The following GPRASP1 variants were observed in gnomAD, a reference collection of about 807,000 sequenced individuals.
The protein encoded by GPRASP1 is G protein-coupled receptor-associated sorting protein 1.
A neutral mutation model predicts 68.4 loss-of-function variants in GPRASP1; 28 were observed. That is an observed-to-expected ratio of 0.41 (90% CI 0.30 to 0.56). GPRASP1 has a LOEUF of 0.56. Ranked by LOEUF, GPRASP1 falls within the 20% of genes least tolerant of loss-of-function variation. GPRASP1 has a pLI of 0.29. For missense variants in GPRASP1, 913 were observed against 1,031.5 expected, an observed-to-expected ratio of 0.89 and a Z score of 1.57; for synonymous variants, 304 against 358.2, an observed-to-expected ratio of 0.85 and a Z score of 1.71.
Position 102,654,438 on chromosome X carries a change from G to C in GPRASP1, c.525G>C (p.Trp175Cys). 1.7e-6 allele frequency: 2 copies of C among 1,211,702 alleles called. No individual in the cohort carries two copies. The highest frequency in any genetic ancestry group is 3.5e-5 in the African/African-American group (2 of 57,821). ...RSKEETNMGS[W>C]CCPRPTSKQE... ...AGGAGGAGACCAATATGGGGTCCTG[G>C]TGCTGTCCTAGGCCTACATCCAAAC... The change falls in exon 6 of 6, where the codon TGG becomes TGC. Residue 175 changes from tryptophan (W) to cysteine (C), a missense_variant. Physicochemically the swap from Trp to Cys is radical, Grantham distance 215. Coordinates refer to ENST00000537097, the MANE Select transcript of GPRASP1 (RefSeq NM_001184727.2).
Position 102,657,328 on chromosome X carries a change from A to G in GPRASP1, c.3415A>G (p.Ser1139Gly), listed in dbSNP as rs773428748. 8.3e-7 allele frequency: 1 copy of G among 1,211,413 alleles called. No homozygotes were observed. The highest frequency in any genetic ancestry group is 3.0e-5 in the East Asian group (1 of 33,843). Residue 1139 changes from serine to glycine, a missense_variant, in exon 6 of 6, where the codon AGT becomes GGT. Ser to Gly is a moderately conservative substitution (Grantham distance 56). Coordinates refer to ENST00000537097, the MANE Select transcript of GPRASP1 (RefSeq NM_001184727.2). ...GGCCAAGGAGAGTACAGAGCCTGAG[A>G]GTTCATCCTGTAACTGCATACAATG... ...LRAKESTEPE[S>G]SSCNCIQCEL... is the part of the protein sequence containing the mutation.
chrX:102,654,162 A>C lies in GPRASP1; in HGVS notation c.249A>C (p.Ile83=), dbSNP rs1209074269. ...GARPKSKAKA[I]PVSRFKEEAQ... is the part of the protein sequence containing the mutation. Reference sequence around the variant, plus strand: ...GCCCTAAGAGTAAGGCCAAGGCAATACCTGTTTCACGATTTAAGGAAGAAG... The same window carrying C: ...GCCCTAAGAGTAAGGCCAAGGCAATCCCTGTTTCACGATTTAAGGAAGAAG... The change falls in exon 6 of 6, where the codon ATA becomes ATC. Residue 83 remains isoleucine (I), a synonymous_variant. Coordinates refer to ENST00000537097, the MANE Select transcript of GPRASP1 (RefSeq NM_001184727.2). 2 of 1,212,077 alleles carry C rather than the reference A, an allele frequency of 1.7e-6. No individual in the cohort carries two copies.
rs376709478 is a variant in GPRASP1 at position 102,654,692 on chromosome X, C to T, written c.779C>T (p.Thr260Ile). ...GGTTCTGAGGATGAGTCTGTTAAGA[C>T]ACCCTGGTTCTGGGCCAGAGATAAA... Reference protein sequence around the residue: ...SSGSEDESVKTPWFWARDKTN... With the variant: ...SSGSEDESVKIPWFWARDKTN... Residue 260 changes from threonine (T) to isoleucine (I), a missense_variant, in exon 6 of 6, where the codon ACA becomes ATA. Physicochemically the swap from Thr to Ile is moderately conservative, Grantham distance 89. Transcript: ENST00000537097. The T allele has an allele frequency of 1.7e-6, 2 of 1,209,779 alleles. No homozygotes were observed. The highest frequency in any genetic ancestry group is 2.2e-6 in the Non-Finnish European group (2 of 894,858).
At position 102,658,007 on chromosome X, in the gene GPRASP1, T is replaced by A. The variant is rs767893708; in HGVS notation, c.4094T>A (p.Leu1365His). The A allele has an allele frequency of 8.4e-7, 1 of 1,196,945 alleles. No homozygotes were observed. Among genetic ancestry groups the A allele is most frequent in the Admixed American group, 2.2e-5 (1 of 45,580 alleles). Residue 1365 changes from leucine to histidine, a missense_variant, in exon 6 of 6, where the codon CTT becomes CAT. Physicochemically the swap from Leu to His is moderately conservative, Grantham distance 99. Transcript: ENST00000537097. ...FSDDDFNIEP[L>H]ISAFHKVEKF... Reference sequence around the variant, plus strand: ...GATGATGATTTCAATATTGAGCCGCTTATTTCTGCATTCCACAAAGTTGAG... The same window carrying A: ...GATGATGATTTCAATATTGAGCCGCATATTTCTGCATTCCACAAAGTTGAG...
rs1454287389 is a variant in GPRASP1 at position 102,657,714 on chromosome X, TACTG to T, written c.3805_3808del (p.Asp1269IlefsTer16). On this transcript the variant is annotated frameshift_variant, in exon 6 of 6. Transcript: ENST00000537097. LOFTEE classifies it high-confidence loss of function. ...GGATGATTAGACATCTCACTACTAC[TACTG>T]ACTATCACACACTGGTTGCCAATTA... 8.3e-7 allele frequency: 1 copy of T among 1,207,921 alleles called. No individual in the cohort carries two copies. Among genetic ancestry groups the T allele is most frequent in the Non-Finnish European group, 1.1e-6 (1 of 891,792 alleles).
Position 102,655,295 on chromosome X carries a change from G to T in GPRASP1, c.1382G>T (p.Gly461Val). 2.5e-6 allele frequency: 3 copies of T among 1,211,990 alleles called. No homozygotes were observed. Among genetic ancestry groups the T allele is most frequent in the Non-Finnish European group, 3.4e-6 (3 of 895,481 alleles). Residue 461 changes from glycine (G) to valine (V), a missense_variant, in exon 6 of 6, where the codon GGG (glycine) becomes GTG (valine). Physicochemically the swap from Gly to Val is moderately radical, Grantham distance 109 (BLOSUM62 -3). Transcript: ENST00000537097. ...ASSKSRPRTDGERIGDSLFGA... is the reference protein window; with the variant it reads ...ASSKSRPRTDVERIGDSLFGA... ...AGTAAATCCAGACCAAGGACTGATG[G>T]GGAGCGTATTGGTGATTCCTTATTT...
rs1359210386 is a variant in GPRASP1 at position 102,653,855 on chromosome X, T to C, written c.-59T>C. On this transcript the variant is annotated 5_prime_UTR_variant, in exon 6 of 6. Coordinates refer to ENST00000537097, the MANE Select transcript of GPRASP1 (RefSeq NM_001184727.2). ...AAGAAACAAACCTGTGACAGATCTG[T>C]GGTTGAGGTTTAGACTGGGGGAGGA... 2 of 893,401 alleles carry C rather than the reference T, an allele frequency of 2.2e-6. No individual in the cohort carries two copies. Among genetic ancestry groups the C allele is most frequent in the Admixed American group, 2.7e-5 (1 of 36,817 alleles). The allele number at this position is 893,401 out of a possible 1,213,427, so 73.6% of individuals were successfully genotyped here.
chrX:102,656,948 C>T lies in GPRASP1; in HGVS notation c.3035C>T (p.Ala1012Val). The change falls in exon 6 of 6, where the codon GCC becomes GTC. Residue 1012 changes from alanine to valine, a missense_variant. By Grantham distance (64) the Ala-to-Val change is moderately conservative. Transcript: ENST00000537097. Reference sequence around the variant, plus strand: ...TCCTGGTTCTGGGCAGGAGATGAGGCCCATTTTGAATCAAATCCTAGCCCC... The same window carrying T: ...TCCTGGTTCTGGGCAGGAGATGAGGTCCATTTTGAATCAAATCCTAGCCCC... Reference protein sequence around the residue: ...VGSWFWAGDEAHFESNPSPVF... With the variant: ...VGSWFWAGDEVHFESNPSPVF... 26 of 1,211,005 alleles carry T rather than the reference C, an allele frequency of 2.1e-5. No individual in the cohort carries two copies. Among genetic ancestry groups the T allele is most frequent in the Non-Finnish European group, 2.9e-5 (26 of 895,133 alleles).
Position 102,652,442 on chromosome X carries a change from G to C in GPRASP1, c.-481+177G>C, listed in dbSNP as rs1303692761. 5.3e-5 allele frequency among the ~76,000 whole-genome samples: 6 copies of C among 112,209 alleles called. 1 individual carries two copies. The Admixed American group carries it at 5.6e-4, about 10-fold the overall frequency. On this transcript the variant is annotated intron_variant, in intron 3 of 5. Transcript: ENST00000537097. ...TGCCTCCCCCACCGTCCTAAACTGGGGGCTTGAAAGGGTGAGCTTTGGAGG... is the reference window on the plus strand; with the variant it reads ...TGCCTCCCCCACCGTCCTAAACTGGCGGCTTGAAAGGGTGAGCTTTGGAGG...
chrX:102,654,511 A>T lies in GPRASP1; in HGVS notation c.598A>T (p.Ser200Cys). ...SDFKWVDKSV[S>C]SLFWSGDEVT... ...TTTCAAATGGGTAGACAAATCTGTG[A>T]GTTCCTTGTTCTGGAGTGGAGATGA... is the stretch of plus-strand genomic sequence containing the variant. Residue 200 changes from serine (S) to cysteine (C), a missense_variant, in exon 6 of 6, where the codon AGT becomes TGT. By Grantham distance (112) the Ser-to-Cys change is moderately radical. Transcript: ENST00000537097. The T allele has an allele frequency of 8.3e-7, 1 of 1,210,684 alleles. No homozygotes were observed. Among genetic ancestry groups the T allele is most frequent in the Non-Finnish European group, 1.1e-6 (1 of 894,418 alleles).
Position 102,657,082 on chromosome X carries a change from T to C in GPRASP1, c.3169T>C (p.Trp1057Arg). Residue 1057 changes from tryptophan to arginine, a missense_variant, in exon 6 of 6, where the codon TGG (tryptophan) becomes CGG (arginine). Coordinates refer to ENST00000537097, the MANE Select transcript of GPRASP1 (RefSeq NM_001184727.2). Reference protein sequence around the residue: ...EVTVQFKPGPWGRVGFPSISP... With the variant: ...EVTVQFKPGPRGRVGFPSISP... ...CACTGTTCAGTTCAAGCCTGGTCCATGGGGTAGGGTCGGCTTCCCATCTAT... is the reference window on the plus strand; with the variant it reads ...CACTGTTCAGTTCAAGCCTGGTCCACGGGGTAGGGTCGGCTTCCCATCTAT... 1 of 1,209,219 alleles carries C rather than the reference T, an allele frequency of 8.3e-7. No homozygotes were observed. Among genetic ancestry groups the C allele is most frequent in the Middle Eastern group, 2.3e-4 (1 of 4,352 alleles).
rs975753343 is a variant in GPRASP1 at position 102,656,426 on chromosome X, A to T, written c.2513A>T (p.Glu838Val). The T allele has an allele frequency of 2.5e-6, 3 of 1,208,820 alleles. No individual in the cohort carries two copies. In the African/African-American group the frequency reaches 5.3e-5, roughly 21 times the overall value. The change falls in exon 6 of 6, where the codon GAG (glutamate) becomes GTG (valine). Residue 838 changes from glutamate (E) to valine (V), a missense_variant. Coordinates refer to ENST00000537097, the MANE Select transcript of GPRASP1 (RefSeq NM_001184727.2). ...SCSKSSPKAE[E>V]EEVIIGSWFW... The stretch of plus-strand genomic sequence containing the variant: ...AGCAAATCCAGTCCTAAAGCTGAAG[A>T]GGAAGAAGTCATTATTGGGTCCTGG...
chrX:102,654,344 C>T lies in GPRASP1; in HGVS notation c.431C>T (p.Thr144Ile). 2 of 1,210,943 alleles carry T rather than the reference C, an allele frequency of 1.7e-6. No individual in the cohort carries two copies. The highest frequency in any genetic ancestry group is 2.2e-6 in the Non-Finnish European group (2 of 894,642). Residue 144 changes from threonine (T) to isoleucine (I), a missense_variant, in exon 6 of 6, where the codon ACA (threonine) becomes ATA (isoleucine). Coordinates refer to ENST00000537097, the MANE Select transcript of GPRASP1 (RefSeq NM_001184727.2). Reference sequence around the variant, plus strand: ...TCTGAGGATAGAGAACTGGTTAATACAGACACTGAGAGCTTTCCTAGAAGG... The same window carrying T: ...TCTGAGGATAGAGAACTGGTTAATATAGACACTGAGAGCTTTCCTAGAAGG... ...YLSEDRELVN[T>I]DTESFPRRKA...
chrX:102,653,778 C>CT lies in GPRASP1; in HGVS notation c.-135dup, dbSNP rs2081379055. On this transcript the variant is annotated 5_prime_UTR_variant, in exon 6 of 6. Coordinates refer to ENST00000537097, the MANE Select transcript of GPRASP1 (RefSeq NM_001184727.2). The stretch of plus-strand genomic sequence containing the variant: ...GTGACTACTGGACTGGATATTGACT[C>CT]TAACTCTTGTTTCCAAGCTTATATC... 7.4e-6 allele frequency: 4 copies of CT among 538,247 alleles called. No homozygotes were observed. Among genetic ancestry groups the CT allele is most frequent in the Non-Finnish European group, 1.3e-5 (4 of 315,009 alleles). The allele number at this position is 538,247 out of a possible 1,213,427, so 44.4% of individuals were successfully genotyped here.
chrX:102,657,657 C>A lies in GPRASP1; in HGVS notation c.3744C>A (p.Ser1248Arg). The change falls in exon 6 of 6, where the codon AGC becomes AGA. Residue 1248 changes from serine to arginine, a missense_variant. Transcript: ENST00000537097. ...CKVCEETLAY[S>R]VDSPEQLSGI... ...TGTGTGAGGAAACCCTTGCTTATAG[C>A]GTGGATTCCCCGGAACAGCTGTCTG... 1.7e-6 allele frequency: 2 copies of A among 1,210,594 alleles called. No individual in the cohort carries two copies. Among genetic ancestry groups the A allele is most frequent in the South Asian group, 3.5e-5 (2 of 56,979 alleles).
chrX:102,656,776 G>A lies in GPRASP1; in HGVS notation c.2863G>A (p.Ala955Thr). The A allele has an allele frequency of 8.3e-7, 1 of 1,210,568 alleles. No individual in the cohort carries two copies. ...AGCCATTAAGGAAACTGGAACTGTG[G>A]CCACCTGTGAGTCCAAGCCAGAAAA... ...DKAIKETGTV[A>T]TCESKPENEE... Residue 955 changes from alanine to threonine, a missense_variant, in exon 6 of 6, where the codon GCC becomes ACC. Physicochemically the swap from Ala to Thr is moderately conservative, Grantham distance 58. Transcript: ENST00000537097.
chrX:102,656,519 A>T lies in GPRASP1; in HGVS notation c.2606A>T (p.Glu869Val). 1 of 1,210,689 alleles carries T rather than the reference A, an allele frequency of 8.3e-7. No individual in the cohort carries two copies. ...GVGFESKPGT[E>V]EEEITVGSWF... is the part of the protein sequence containing the mutation. The stretch of plus-strand genomic sequence containing the variant: ...GGCTTTGAGTCAAAGCCTGGGACTG[A>T]GGAGGAAGAAATCACTGTTGGGTCC... The change falls in exon 6 of 6, where the codon GAG (glutamate) becomes GTG (valine). Residue 869 changes from glutamate to valine, a missense_variant. By Grantham distance (121) the Glu-to-Val change is moderately radical. Transcript: ENST00000537097.
rs2081384546 is a variant in GPRASP1, at chrX:102,654,309, A to G, written c.396A>G (p.Thr132=). Residue 132 remains threonine, a synonymous_variant, in exon 6 of 6, where the codon ACA becomes ACG. Coordinates refer to ENST00000537097, the MANE Select transcript of GPRASP1 (RefSeq NM_001184727.2). The part of the protein sequence containing the change: ...VSTDSVLVAK[T]KYLSEDRELV... ...CTGATTCTGTCTTGGTTGCTAAAACAAAGTACCTGTCTGAGGATAGAGAAC... is the reference window on the plus strand; with the variant it reads ...CTGATTCTGTCTTGGTTGCTAAAACGAAGTACCTGTCTGAGGATAGAGAAC... 1 of 1,211,418 alleles carries G rather than the reference A, an allele frequency of 8.3e-7. No homozygotes were observed. Among genetic ancestry groups the G allele is most frequent in the Non-Finnish European group, 1.1e-6 (1 of 895,003 alleles).
rs773223823 is a variant in GPRASP1, at chrX:102,656,849, T to C, written c.2936T>C (p.Val979Ala). Residue 979 changes from valine (V) to alanine (A), a missense_variant, in exon 6 of 6, where the codon GTA becomes GCA. Coordinates refer to ENST00000537097, the MANE Select transcript of GPRASP1 (RefSeq NM_001184727.2). ...VGSWFEAEDEVDNRTDNGSNC... is the reference protein window; with the variant it reads ...VGSWFEAEDEADNRTDNGSNC... ...TCTTGGTTTGAGGCTGAAGATGAGG[T>C]AGATAACAGGACTGACAATGGAAGC... 60 of 1,207,718 alleles carry C rather than the reference T, an allele frequency of 5.0e-5. No homozygotes were observed. The highest frequency in any genetic ancestry group is 6.4e-5 in the Non-Finnish European group (57 of 894,388).
Sources: gnomAD v4.1 joint callset for allele counts (sites outside exome capture counted in the v4.1 genomes callset) on GRCh38, gnomAD v4.1.1 for gene constraint, MANE v1.5 for transcripts, NCBI Gene and HGNC (gene_info 2026-07-23, HGNC 2026-07-21) for gene names.